PCDHA4: variants seen among roughly 807,000 people sequenced by gnomAD.
The protein encoded by PCDHA4 is protocadherin alpha 4, also known as protocadherin alpha-4.
A neutral mutation model predicts 61.4 loss-of-function variants in PCDHA4; 49 were observed. That is an observed-to-expected ratio of 0.80 (90% confidence interval 0.63 to 1.01). The LOEUF (loss-of-function observed/expected upper bound fraction) is 1.01. Ranked by LOEUF, PCDHA4 falls within the 50% of genes least tolerant of loss-of-function variation. PCDHA4 has a pLI of 0.00. For missense variants in PCDHA4, 1,254 were observed against 1,235.8 expected (o/e 1.01, Z -0.22); for synonymous variants, 590 against 550.3 (o/e 1.07, Z -1.01).
chr5:140,830,074 G>C (rs374237990), intron 1 of PCDHA4: 1 of 1,613,702 alleles, frequency 6.2e-7, no homozygotes, highest in Non-Finnish European at 8.5e-7. Context: ...CGCTGACAGC[G>C]ACGGCCACGG....
At chr5:140,812,436 A>G (rs1357466680) in intron 1 of PCDHA4, 2 of 152,114 alleles carry the variant, frequency 1.3e-5, no homozygotes, top group African/African-American at 4.8e-5. Context: ...AAATCAACTA[A>G]GTTTAAAAAC....
intron 1 of PCDHA4, among the ~76,000 whole-genome samples, chr5:140,881,006 G>A (rs2058554707): frequency 6.6e-6 from 1 of 152,172 alleles, no homozygotes; most frequent in South Asian, 2.1e-4. Flanking sequence ...GGAGAGCAGA[G>A]CTATGGAAAT....
intron 1 of PCDHA4, chr5:140,824,250 T>C: frequency 1.4e-6 from 2 of 1,404,898 alleles, no homozygotes; most frequent in South Asian, 2.5e-5. Context: ...TGGTACACAA[T>C]TATTGCACTA....
At chr5:140,843,435 G>A (rs2150359827) in intron 1 of PCDHA4, 3 of 1,596,130 alleles carry the variant, frequency 1.9e-6, no homozygotes, top group Non-Finnish European at 2.6e-6. Flanking sequence ...ATCGCCATCT[G>A]CGCGGTATCC....
intron 1 of PCDHA4, chr5:140,867,406 C>G (rs1394985393): frequency 6.6e-6 from 1 of 151,958 alleles, no homozygotes; most frequent in East Asian, 1.9e-4. Context: ...GATATGTCTC[C>G]TTTAATTTTT....
rs17844298 is a variant in PCDHA4, at chr5:140,823,840, G to C, written c.2385+14268G>C. On this transcript the variant is annotated intron_variant, in intron 1 of 3. Transcript: ENST00000530339. ...GGCGTCGGCGGGCGCTGTGGGTCCC[G>C]AGGCTGCCCTGGTGGATGTCAACGT... 1.5e-3 allele frequency: 2,499 copies of C among 1,613,840 alleles called. 57 individuals carry two copies. The East Asian group carries it at 0.044, about 28-fold the overall frequency.
intron 1 of PCDHA4, among the ~76,000 whole-genome samples, chr5:140,890,099 A>G (rs1301934861): frequency 2.0e-5 from 3 of 152,086 alleles, no homozygotes; most frequent in African/African-American, 7.2e-5. Context: ...TTTATTCCCA[A>G]CTCTGGATTC....
chr5:140,933,999 C>T (rs1399268046), intron 1 of PCDHA4, among the ~76,000 whole-genome samples: 2 of 152,050 alleles, frequency 1.3e-5, no homozygotes, highest in South Asian at 2.1e-4. Context: ...TGTCACCTCT[C>T]ATTTTTCTTG....
rs781872778 is a variant in PCDHA4, at chr5:140,809,026, G to A, written c.1839G>A (p.Pro613=). 1.9e-6 allele frequency: 3 copies of A among 1,613,446 alleles called. No individual in the cohort carries two copies. Among genetic ancestry groups the A allele is most frequent in the Middle Eastern group, 1.7e-4 (1 of 6,056 alleles). ...YNAWLSYELQ[P]GTGGARIPFR... is the part of the protein sequence containing the mutation. Reference sequence around the variant, plus strand: ...CGTGGCTTTCGTACGAGCTGCAGCCGGGGACTGGTGGCGCGCGCATCCCGT... The same window carrying A: ...CGTGGCTTTCGTACGAGCTGCAGCCAGGGACTGGTGGCGCGCGCATCCCGT... The change falls in exon 1 of 4, where the codon CCG becomes CCA. Residue 613 remains proline (P), a synonymous_variant. Coordinates refer to ENST00000530339, the MANE Select transcript of PCDHA4 (RefSeq NM_018907.4).
At position 140,982,568 on chromosome 5, in the gene PCDHA4, A is replaced by G. The variant is rs1158399397; in HGVS notation, c.2533+5A>G. 6.2e-7 allele frequency: 1 copy of G among 1,613,890 alleles called. No individual in the cohort carries two copies. The highest frequency in any genetic ancestry group is 8.5e-7 in the Non-Finnish European group (1 of 1,179,906). On this transcript the variant is annotated splice_donor_5th_base_variant and intron_variant, in intron 3 of 3. Coordinates refer to ENST00000530339, the MANE Select transcript of PCDHA4 (RefSeq NM_018907.4). ...CAGTATCCAGTGCAACACCAGGTAA[A>G]GAGCTGGGGTCTCTCCATTCTTTCT...
intron 1 of PCDHA4, among the ~76,000 whole-genome samples, chr5:140,888,588 C>G (rs1419931317): frequency 6.6e-6 from 1 of 152,212 alleles, no homozygotes; most frequent in Non-Finnish European, 1.5e-5. Flanking sequence ...TGTTAGTACA[C>G]ATTCAGAGCA....
chr5:140,989,538 T>G (rs1254500205), intron 3 of PCDHA4, among the ~76,000 whole-genome samples: 3 of 152,180 alleles, frequency 2.0e-5, no homozygotes, highest in Non-Finnish European at 4.4e-5. Flanking sequence ...GAAGATAGTT[T>G]GTAATTCCTT....
intron 1 of PCDHA4, among the ~76,000 whole-genome samples, chr5:140,924,578 T>C (rs80037494): frequency 0.013 from 2,025 of 152,202 alleles, 55 homozygotes; most frequent in Admixed American, 0.052. Flanking sequence ...TTAAATGTTT[T>C]CAAATATTAT....
At chr5:140,956,217 T>A (rs1554222303) in intron 1 of PCDHA4, among the ~76,000 whole-genome samples, 1 of 152,208 alleles carries the variant, frequency 6.6e-6, no homozygotes, top group Non-Finnish European at 1.5e-5. Context: ...GGCATCCTTG[T>A]CTTGTGCTGG....
chr5:140,849,753 G>C (rs1294538786), intron 1 of PCDHA4: 1 of 1,598,398 alleles, frequency 6.3e-7, no homozygotes, highest in Non-Finnish European at 8.6e-7. Flanking sequence ...GAGTGTGTCC[G>C]CCTACGAGCT....
In PCDHA4 at chr5:140,998,286, A is replaced by G. The variant is rs913397915; in HGVS notation, c.2534-11341A>G. Among the ~76,000 whole-genome samples, 51 of 152,230 alleles carry G rather than the reference A, an allele frequency of 3.4e-4. 1 individual carries two copies. Among genetic ancestry groups the G allele is most frequent in the Non-Finnish European group, 1.5e-5 (1 of 68,044 alleles). On this transcript the variant is annotated intron_variant, in intron 3 of 3. Coordinates refer to ENST00000530339, the MANE Select transcript of PCDHA4 (RefSeq NM_018907.4). ...AAACTGACACCCATAGGATTAAATC[A>G]GATCACACATTTAGTAAGGGCACCA...
chr5:140,926,170 C>G (rs558750358), intron 1 of PCDHA4, among the ~76,000 whole-genome samples: 1 of 151,736 alleles, frequency 6.6e-6, no homozygotes. Flanking sequence ...CAGGATCCAG[C>G]GCGGAAAGCC....
intron 1 of PCDHA4, among the ~76,000 whole-genome samples, chr5:140,939,276 C>T (rs146183157): frequency 6.6e-6 from 1 of 152,174 alleles, no homozygotes; most frequent in Non-Finnish European, 1.5e-5. Flanking sequence ...GAGAGCTGTG[C>T]CCTCGTGATC....
intron 1 of PCDHA4, chr5:140,966,703 G>A: frequency 1.5e-6 from 2 of 1,376,398 alleles, no homozygotes; most frequent in Non-Finnish European, 1.9e-6. Flanking sequence ...CCCGGGCGTG[G>A]GGCACGGCTG....
Sources: gnomAD v4.1 joint callset for allele counts (sites outside exome capture counted in the v4.1 genomes callset) on GRCh38, gnomAD v4.1.1 for gene constraint, MANE v1.5 for transcripts, NCBI Gene and HGNC (gene_info 2026-07-23, HGNC 2026-07-21) for gene names.